ZSWIM6: variants seen among roughly 807,000 people sequenced by gnomAD.
ZSWIM6 encodes zinc finger SWIM-type containing 6.
ZSWIM6 carries 9 observed loss-of-function variants against 113.2 expected under a neutral mutation model. The observed-to-expected ratio is 0.08, with a 90% CI of 0.05 to 0.14. The LOEUF (loss-of-function observed/expected upper bound fraction) is 0.14, where lower values mean the gene tolerates loss of function less well. Among genes scored for constraint, ZSWIM6 ranks in the 10% least tolerant of loss-of-function variants. ZSWIM6 has a pLI of 1.00. For synonymous variants in ZSWIM6, 611 were observed against 606.5 expected (o/e 1.01, Z -0.11); for missense variants, 1,162 against 1,552.2 (o/e 0.75, Z 4.22).
intron 1 of ZSWIM6, among the ~76,000 whole-genome samples, chr5:61,390,237 T>C (rs1745677008): frequency 6.6e-6 from 1 of 152,220 alleles, no homozygotes; most frequent in Non-Finnish European, 1.5e-5. Flanking sequence ...AGTTCATTTT[T>C]TTCTGTGCTA....
In ZSWIM6 at chr5:61,332,536, G is replaced by A; in HGVS notation, c.264G>A (p.Lys88=). ...LDIAARRVAE[K]WPFQRVEERF... is the part of the protein sequence containing the mutation. ...TCGCGGCGCGCAGGGTGGCGGAGAA[G>A]TGGCCGTTCCAGCGCGTGGAGGAGC... The change falls in exon 1 of 14, where the codon AAG becomes AAA. Residue 88 remains lysine, a synonymous_variant. Coordinates refer to ENST00000252744, the MANE Select transcript of ZSWIM6 (RefSeq NM_020928.2). 3 of 1,346,518 alleles carry A rather than the reference G, an allele frequency of 2.2e-6. No individual in the cohort carries two copies. The highest frequency in any genetic ancestry group is 4.1e-5 in the East Asian group (1 of 24,146). The allele number at this position is 1,346,518 out of a possible 1,614,324, so 83.4% of individuals were successfully genotyped here. A position where few individuals can be genotyped will look rare whatever the true frequency, so the allele number is the denominator to read the frequency against.
At chr5:61,490,091 A>G (rs937787737) in intron 2 of ZSWIM6, among the ~76,000 whole-genome samples, 7 of 152,056 alleles carry the variant, frequency 4.6e-5, no homozygotes, top group Non-Finnish European at 4.4e-5. Context: ...TAATGAAACA[A>G]TCTTTACCTC....
intron 1 of ZSWIM6, among the ~76,000 whole-genome samples, chr5:61,383,515 G>C (rs1046828989): frequency 6.6e-6 from 1 of 152,068 alleles, no homozygotes; most frequent in Non-Finnish European, 1.5e-5. Context: ...TTCTAATCTG[G>C]TACCTACTGA....
At chr5:61,490,637 G>T (rs1349756274) in intron 2 of ZSWIM6, 149 bp from the exon 3 acceptor site, 1 of 724,114 alleles carries the variant, frequency 1.4e-6, no homozygotes, top group African/African-American at 1.9e-5. Flanking sequence ...GGAAATAAGA[G>T]TGATCCTTGT....
chr5:61,440,086 T>C (rs750903392), intron 1 of ZSWIM6, among the ~76,000 whole-genome samples: 2 of 152,016 alleles, frequency 1.3e-5, no homozygotes, highest in Non-Finnish European at 2.9e-5. Flanking sequence ...GTGGAAACTA[T>C]ACCACAGTTT....
chr5:61,487,815 A>G (rs1009656801), intron 2 of ZSWIM6, among the ~76,000 whole-genome samples: 1 of 152,120 alleles, frequency 6.6e-6, no homozygotes, highest in African/African-American at 2.4e-5. Context: ...AGATTGTATC[A>G]TCCGTGAACA....
intron 4 of ZSWIM6, among the ~76,000 whole-genome samples, chr5:61,498,124 T>C (rs1421554527): frequency 6.6e-6 from 1 of 152,202 alleles, no homozygotes; most frequent in Admixed American, 6.6e-5. Flanking sequence ...GCTGCCAGTC[T>C]ATTAAAACCT....
At chr5:61,538,179 A>G (rs1048988946) in intron 10 of ZSWIM6, among the ~76,000 whole-genome samples, 1 of 152,254 alleles carries the variant, frequency 6.6e-6, no homozygotes, top group Non-Finnish European at 1.5e-5. Flanking sequence ...AAAACTGTCA[A>G]GGGACAGACA....
intron 5 of ZSWIM6, among the ~76,000 whole-genome samples, chr5:61,523,495 A>G (rs1362406650): frequency 6.6e-6 from 1 of 152,210 alleles, no homozygotes; most frequent in Non-Finnish European, 1.5e-5. Flanking sequence ...TCTCCTTTTT[A>G]CTTAATTTCC....
At chr5:61,377,628 A>C (rs1484761606) in intron 1 of ZSWIM6, among the ~76,000 whole-genome samples, 1 of 151,994 alleles carries the variant, frequency 6.6e-6, no homozygotes, top group Non-Finnish European at 1.5e-5. Flanking sequence ...GAGGCAGGAG[A>C]ATCTCTTGAA....
Position 61,535,235 on chromosome 5 carries a change from G to T in ZSWIM6, c.2246-249G>T, listed in dbSNP as rs1047545658. On this transcript the variant is annotated intron_variant, in intron 9 of 13. Transcript: ENST00000252744. ...GGCACTTGTATTGTGAATGCTGTCT[G>T]CCCCTGAGTTCTGGGTTTTTCATCT... 1.6e-4 allele frequency among the ~76,000 whole-genome samples: 25 copies of T among 152,174 alleles called. 1 individual carries two copies. Among genetic ancestry groups the T allele is most frequent in the Non-Finnish European group, 4.4e-5 (3 of 68,036 alleles).
At chr5:61,356,678 CATA>C (rs1173472529) in intron 1 of ZSWIM6, among the ~76,000 whole-genome samples, 2 of 136,960 alleles carry the variant, frequency 1.5e-5, no homozygotes, top group South Asian at 2.2e-4. Flanking sequence ...ATATATATAA[CATA>C]ATATATAATA....
intron 4 of ZSWIM6, among the ~76,000 whole-genome samples, chr5:61,502,826 C>T (rs1748509603): frequency 6.6e-6 from 1 of 152,144 alleles, no homozygotes; most frequent in African/African-American, 2.4e-5. Flanking sequence ...AGGTTGCGTG[C>T]TCCTTATGAG....
At chr5:61,534,629 C>G (rs901149208) in intron 9 of ZSWIM6, among the ~76,000 whole-genome samples, 1 of 152,056 alleles carries the variant, frequency 6.6e-6, no homozygotes, top group Non-Finnish European at 1.5e-5. Context: ...CTCAGAGTAC[C>G]TTAGTGCAAA....
intron 1 of ZSWIM6, among the ~76,000 whole-genome samples, chr5:61,381,337 A>T (rs887612426): frequency 1.3e-5 from 2 of 152,240 alleles, no homozygotes. Context: ...GTATTCATAA[A>T]CATTTATTGT....
chr5:61,477,126 C>T (rs1320757145), intron 2 of ZSWIM6, among the ~76,000 whole-genome samples: 2 of 152,132 alleles, frequency 1.3e-5, no homozygotes, highest in Non-Finnish European at 2.9e-5. Flanking sequence ...TCCTCTCCTA[C>T]GGCTTTTCGT....
chr5:61,380,233 G>A (rs1361841545), intron 1 of ZSWIM6, among the ~76,000 whole-genome samples: 2 of 151,900 alleles, frequency 1.3e-5, no homozygotes, highest in African/African-American at 4.8e-5. Context: ...CCGCCACCAC[G>A]CCCAGCTAAT....
In ZSWIM6 at chr5:61,460,783, A is replaced by T. The variant is rs905127021; in HGVS notation, c.677-11898A>T. ...TGTTCATAATATATAATAGATAATA[A>T]GAGAAAGAATACATCCTTTTATGTA... On this transcript the variant is annotated intron_variant, in intron 1 of 13. Transcript: ENST00000252744. Among the ~76,000 whole-genome samples the T allele has an allele frequency of 3.9e-5, 6 of 152,072 alleles. No individual in the cohort carries two copies. The East Asian group carries it at 1.2e-3, about 29-fold the overall frequency.
At chr5:61,458,962 G>A (rs1386499435) in intron 1 of ZSWIM6, among the ~76,000 whole-genome samples, 1 of 151,230 alleles carries the variant, frequency 6.6e-6, no homozygotes, top group African/African-American at 2.4e-5. Flanking sequence ...TAAAACTCAA[G>A]TCTCTTTCCC....
Sources: gnomAD v4.1 joint callset for allele counts (sites outside exome capture counted in the v4.1 genomes callset) on GRCh38, gnomAD v4.1.1 for gene constraint, MANE v1.5 for transcripts, NCBI Gene and HGNC (gene_info 2026-07-23, HGNC 2026-07-21) for gene names.